PLXDC2: variants seen among roughly 807,000 people sequenced by gnomAD.
The protein encoded by PLXDC2 is plexin domain-containing protein 2.
PLXDC2 carries 40 observed loss-of-function variants against 68.9 expected under a neutral mutation model. The ratio of observed to expected loss-of-function variants is 0.58; its 90% CI spans 0.45 to 0.76. The LOEUF (loss-of-function observed/expected upper bound fraction) is 0.76. Among genes scored for constraint, PLXDC2 ranks in the 30% least tolerant of loss-of-function variants. The pLI, the probability that PLXDC2 is intolerant of heterozygous loss-of-function variation, is 0.00. For synonymous variants in PLXDC2, 243 were observed against 234.2 expected (o/e 1.04, Z -0.34); for missense variants, 644 against 661.9 (o/e 0.97, Z 0.30).
intron 1 of PLXDC2, among the ~76,000 whole-genome samples, chr10:19,973,701 G>C (rs1834400155): frequency 6.6e-6 from 1 of 152,178 alleles, no homozygotes; most frequent in African/African-American, 2.4e-5. Flanking sequence ...TTGCCAGTCT[G>C]AGAGGAAGTG....
chr10:20,003,376 G>A lies in PLXDC2; in HGVS notation c.324+1390G>A, dbSNP rs116759987. Among the ~76,000 whole-genome samples, 527 of 152,286 alleles carry A rather than the reference G, an allele frequency of 3.5e-3. 1 individual carries two copies. Among genetic ancestry groups the A allele is most frequent in the African/African-American group, 0.012 (498 of 41,554 alleles). On this transcript the variant is annotated intron_variant, in intron 2 of 13. Transcript: ENST00000377252. ...AAAATAGAAGGTTCAGATGCACTCTGACCAGAGGTTGTTGGCATGGCAAAC... is the reference window on the plus strand; with the variant it reads ...AAAATAGAAGGTTCAGATGCACTCTAACCAGAGGTTGTTGGCATGGCAAAC...
chr10:20,202,674 T>A (rs1834936227), intron 9 of PLXDC2, among the ~76,000 whole-genome samples: 1 of 152,176 alleles, frequency 6.6e-6, no homozygotes, highest in Non-Finnish European at 1.5e-5. Context: ...GAGAATAGTT[T>A]TGCGAGCAAA....
At chr10:20,190,683 A>C (rs1834753573) in intron 9 of PLXDC2, among the ~76,000 whole-genome samples, 1 of 151,712 alleles carries the variant, frequency 6.6e-6, no homozygotes, top group Non-Finnish European at 1.5e-5. Context: ...AGCTGATATG[A>C]TGGTAAATGA....
At chr10:20,153,261 T>C (rs1308514496) in intron 6 of PLXDC2, among the ~76,000 whole-genome samples, 2 of 152,284 alleles carry the variant, frequency 1.3e-5, no homozygotes, top group East Asian at 1.9e-4. Context: ...AAATGAACCA[T>C]TGAACCATTC....
intron 2 of PLXDC2, among the ~76,000 whole-genome samples, chr10:20,041,826 T>C (rs1835688587): frequency 6.6e-6 from 1 of 152,128 alleles, no homozygotes; most frequent in South Asian, 2.1e-4. Context: ...CCTCCTTCTG[T>C]ATCCTCACAT....
At chr10:19,842,241 T>C (rs1032624084) in intron 1 of PLXDC2, among the ~76,000 whole-genome samples, 3 of 152,182 alleles carry the variant, frequency 2.0e-5, no homozygotes, top group Admixed American at 6.5e-5. Flanking sequence ...TGTATTTACA[T>C]TGAGGTTTCA....
chr10:20,015,697 A>C (rs1835199082), intron 2 of PLXDC2, among the ~76,000 whole-genome samples: 1 of 151,986 alleles, frequency 6.6e-6, no homozygotes, highest in Non-Finnish European at 1.5e-5. Context: ...TTAAAAAAAC[A>C]CAGAGATCAG....
At chr10:20,001,422 G>A (rs1279263205) in intron 1 of PLXDC2, among the ~76,000 whole-genome samples, 1 of 152,104 alleles carries the variant, frequency 6.6e-6, no homozygotes, top group African/African-American at 2.4e-5. Flanking sequence ...CCTTTTGTTT[G>A]GATTCTAGCT....
chr10:19,922,904 A>G (rs1011711751), intron 1 of PLXDC2, among the ~76,000 whole-genome samples: 3 of 152,150 alleles, frequency 2.0e-5, no homozygotes, highest in Non-Finnish European at 2.9e-5. Flanking sequence ...AAAATAACTG[A>G]ACTGTTGTCC....
chr10:20,231,565 T>C (rs1835363967), intron 12 of PLXDC2, among the ~76,000 whole-genome samples: 2 of 151,536 alleles, frequency 1.3e-5, no homozygotes, highest in African/African-American at 2.4e-5. Flanking sequence ...ATTAAAAATA[T>C]TAATTTTAAA....
intron 1 of PLXDC2, among the ~76,000 whole-genome samples, chr10:19,863,094 G>T (rs1280773480): frequency 3.3e-5 from 5 of 152,148 alleles, no homozygotes; most frequent in African/African-American, 1.2e-4. Flanking sequence ...TCTTTACCAT[G>T]TAAAATGAAC....
At chr10:20,261,100 T>C (rs1320131292) in intron 13 of PLXDC2, among the ~76,000 whole-genome samples, 2 of 152,206 alleles carry the variant, frequency 1.3e-5, no homozygotes, top group African/African-American at 2.4e-5. Flanking sequence ...ACTAACCCCT[T>C]ACTCAGATAA....
intron 12 of PLXDC2, among the ~76,000 whole-genome samples, chr10:20,236,544 G>A (rs1466244658): frequency 1.3e-5 from 2 of 152,090 alleles, no homozygotes; most frequent in African/African-American, 4.8e-5. Flanking sequence ...TTAAAAGTTA[G>A]ATGTCATAAA....
At chr10:20,015,870 A>C (rs1279555192) in intron 2 of PLXDC2, among the ~76,000 whole-genome samples, 1 of 151,918 alleles carries the variant, frequency 6.6e-6, no homozygotes, top group Non-Finnish European at 1.5e-5. Context: ...CATCGTGTTC[A>C]CTCTCCTTTC....
chr10:20,035,686 A>G (rs1835565414), intron 2 of PLXDC2, among the ~76,000 whole-genome samples: 1 of 151,998 alleles, frequency 6.6e-6, no homozygotes, highest in African/African-American at 2.4e-5. Flanking sequence ...ACAGAGTGAG[A>G]CTCTGTCTAA....
At chr10:20,126,233 G>A (rs954858132) in intron 4 of PLXDC2, among the ~76,000 whole-genome samples, 22 of 143,818 alleles carry the variant, frequency 1.5e-4, no homozygotes, top group Admixed American at 8.4e-4. Flanking sequence ...ATACATATAC[G>A]TTGTATAATA....
In PLXDC2 at chr10:20,177,428, GAATAAT is replaced by G. The variant is rs1312180154; in HGVS notation, c.1061+25_1061+30del. The stretch of plus-strand genomic sequence containing the variant: ...TTCAAAGGTAAAAATATAATAATAA[GAATAAT>G]AATAAAATTTAAAAAGATATTTTAA... On this transcript the variant is annotated intron_variant, in intron 9 of 13. Coordinates refer to ENST00000377252, the MANE Select transcript of PLXDC2 (RefSeq NM_032812.9). 11 of 1,196,874 alleles carry G rather than the reference GAATAAT, an allele frequency of 9.2e-6. No individual in the cohort carries two copies. Among genetic ancestry groups the G allele is most frequent in the Admixed American group, 2.6e-5 (1 of 38,414 alleles). The allele number at this position is 1,196,874 out of a possible 1,614,324, so 74.1% of individuals were successfully genotyped here. A position where few individuals can be genotyped will look rare whatever the true frequency, so the allele number is the denominator to read the frequency against.
intron 1 of PLXDC2, among the ~76,000 whole-genome samples, chr10:19,956,212 A>C (rs562544082): frequency 1.6e-4 from 25 of 152,298 alleles, no homozygotes; most frequent in African/African-American, 5.8e-4. Context: ...TCCCTTTTAC[A>C]TGAAAACGAG....
chr10:20,241,889 C>T (rs1419512760), intron 12 of PLXDC2, among the ~76,000 whole-genome samples: 1 of 152,054 alleles, frequency 6.6e-6, no homozygotes, highest in Non-Finnish European at 1.5e-5. Context: ...TAAAACCCAT[C>T]CCAAAGACAA....
Sources: allele counts gnomAD v4.1 joint callset (sites outside exome capture counted in the v4.1 genomes callset), GRCh38; gene constraint gnomAD v4.1.1; transcripts MANE v1.5; gene names NCBI Gene and HGNC (gene_info 2026-07-23, HGNC 2026-07-21).